Variants in STX4 observed in about 807,000 individuals in gnomAD.
STX4 encodes the protein syntaxin-4.
Under a neutral mutation model 41.8 loss-of-function variants are expected in STX4, and 24 were observed. The ratio of observed to expected loss-of-function variants is 0.57; its 90% CI spans 0.42 to 0.81. STX4 has a LOEUF of 0.81. Ranked by LOEUF, STX4 falls within the 30% of genes least tolerant of loss-of-function variation. STX4 has a pLI of 0.00. For synonymous variants in STX4, 158 were observed against 156.4 expected (o/e 1.01, Z -0.08); for missense variants, 316 against 389.9 (o/e 0.81, Z 1.60).
Position 31,034,239 on chromosome 16 carries a change from G to A in STX4, c.146G>A (p.Arg49Gln). 2 of 1,614,130 alleles carry A rather than the reference G, an allele frequency of 1.2e-6. No homozygotes were observed. The highest frequency in any genetic ancestry group is 1.7e-6 in the Non-Finnish European group (2 of 1,180,014). The change falls in exon 3 of 11, where the codon CGG becomes CAG. Residue 49 changes from arginine to glutamine, a missense_variant. Arg to Gln is a conservative substitution (Grantham distance 43). Coordinates refer to ENST00000313843, the MANE Select transcript of STX4 (RefSeq NM_004604.5). ...CACCCTCCCCAGGTCCGGACAATTCGGCAGACTATTGTCAAACTGGGGAAT... is the reference window on the plus strand; with the variant it reads ...CACCCTCCCCAGGTCCGGACAATTCAGCAGACTATTGTCAAACTGGGGAAT... ...EEFFHKVRTI[R>Q]QTIVKLGNKV...
intron 5 of STX4, among the ~76,000 whole-genome samples, chr16:31,037,065 T>TCC (rs2056805800): frequency 2.4e-5 from 1 of 42,242 alleles, no homozygotes; most frequent in African/African-American, 6.2e-5. Context: ...CCCCCCCCCC[T>TCC]TTTTTTTTTT....
Position 31,039,742 on chromosome 16 carries a change from T to C in STX4, c.833T>C (p.Ile278Thr). The change falls in exon 10 of 11, where the codon ATC becomes ACC. Residue 278 changes from isoleucine (I) to threonine (T), a missense_variant. Coordinates refer to ENST00000313843, the MANE Select transcript of STX4 (RefSeq NM_004604.5). This position sits in a 1 kb window ranked among gnomAD's most constrained non-coding sequence, Gnocchi z 4.1. ...KARKKKVLIAICVSITVVLLA... is the reference protein window; with the variant it reads ...KARKKKVLIATCVSITVVLLA... ...CCACAGAAGAAAGTCTTGATTGCCATCTGTGTGTCCATCACCGTCGTCCTC... is the reference window on the plus strand; with the variant it reads ...CCACAGAAGAAAGTCTTGATTGCCACCTGTGTGTCCATCACCGTCGTCCTC... 2 of 1,614,212 alleles carry C rather than the reference T, an allele frequency of 1.2e-6. No homozygotes were observed. The highest frequency in any genetic ancestry group is 1.7e-6 in the Non-Finnish European group (2 of 1,180,040).
intron 5 of STX4, among the ~76,000 whole-genome samples, chr16:31,037,090 G>A (rs1465327144): frequency 6.9e-6 from 1 of 145,756 alleles, no homozygotes; most frequent in Admixed American, 7.1e-5. Flanking sequence ...TTGAGACAGG[G>A]TCTCACTCTG....
intron 7 of STX4, 83 bp from the exon 8 acceptor site, chr16:31,038,427 G>A: frequency 6.4e-7 from 1 of 1,574,778 alleles, no homozygotes; most frequent in South Asian, 1.1e-5. Flanking sequence ...CCAGGCTGAG[G>A]GCTCCCCAGA....
intron 5 of STX4, among the ~76,000 whole-genome samples, chr16:31,036,628 G>GGCTGGTCTCAAACTCC (rs2056801067): frequency 6.6e-6 from 1 of 152,052 alleles, no homozygotes; most frequent in Non-Finnish European, 1.5e-5. Flanking sequence ...TAATAAATAA[G>GGCTGGTCTCAAACTCC]TGAATTATTT....
chr16:31,034,390 C>T, intron 3 of STX4, 65 bp downstream of exon 3: 4 of 1,609,066 alleles, frequency 2.5e-6, no homozygotes, highest in South Asian at 1.1e-5. Flanking sequence ...TGTAGTTCCA[C>T]GCAGGTGGTG....
chr16:31,035,114 G>C (rs1347378679), intron 5 of STX4, 74 bp downstream of exon 5: 5 of 1,273,922 alleles, frequency 3.9e-6, no homozygotes, highest in Admixed American at 4.2e-5. Flanking sequence ...GGTGTATGAA[G>C]GAAGGGCCTG....
chr16:31,034,596 T>G, intron 4 of STX4, 60 bp downstream of exon 4: 2 of 1,477,132 alleles, frequency 1.4e-6, no homozygotes, highest in South Asian at 1.4e-5. Context: ...TGTTGGTATA[T>G]CTGGGGAGTG....
rs778576478 is a variant in STX4, at chr16:31,039,511, C to T, written c.703-30C>T. 6.2e-7 allele frequency: 1 copy of T among 1,605,578 alleles called. No homozygotes were observed. Among genetic ancestry groups the T allele is most frequent in the East Asian group, 2.2e-5 (1 of 44,684 alleles). On this transcript the variant is annotated intron_variant, in intron 8 of 10. Transcript: ENST00000313843. This position sits in a 1 kb window ranked among gnomAD's most constrained non-coding sequence, Gnocchi z 4.1. ...GGTGGGGTGGGCAAAGGCATCCTTA[C>T]CTCCCTGAACCACCCCATCCTCTGA...
In STX4 at chr16:31,039,799, G is replaced by C. The variant is rs1412304008; in HGVS notation, c.890G>C (p.Gly297Ala). The C allele has an allele frequency of 6.2e-7, 1 of 1,614,218 alleles. No individual in the cohort carries two copies. Among genetic ancestry groups the C allele is most frequent in the Non-Finnish European group, 8.5e-7 (1 of 1,180,038 alleles). Residue 297 changes from glycine to alanine, a missense_variant, in exon 10 of 11, where the codon GGA becomes GCA. Transcript: ENST00000313843. The surrounding 1 kb of genome is among the most constrained non-coding windows in gnomAD (Gnocchi z 4.1). ...LAVIIGVTVVG is the reference protein window; with the variant it reads ...LAVIIGVTVVA Reference sequence around the variant, plus strand: ...GTCATCATTGGCGTCACAGTGGTTGGATAATGTCGCACATTGTTGGTGAGA... The same window carrying C: ...GTCATCATTGGCGTCACAGTGGTTGCATAATGTCGCACATTGTTGGTGAGA...
chr16:31,038,368 G>T, intron 7 of STX4, 142 bp from the exon 8 acceptor site: 2 of 1,341,380 alleles, frequency 1.5e-6, no homozygotes, highest in Non-Finnish European at 2.1e-6. Flanking sequence ...AGGGCACCCT[G>T]AGGCCTCTAA....
chr16:31,033,435 T>G, upstream of STX4: 1 of 1,518,350 alleles, frequency 6.6e-7, no homozygotes, highest in Non-Finnish European at 8.9e-7. This position sits in a 1 kb window ranked among gnomAD's most constrained non-coding sequence, Gnocchi z 5.5. Flanking sequence ...TAGCAAGTTC[T>G]CGCGTCCAGG....
At position 31,039,886 on chromosome 16, in the gene STX4, C is replaced by T. The variant is rs2143730364; in HGVS notation, c.*16-26C>T. On this transcript the variant is annotated intron_variant, in intron 10 of 10. Transcript: ENST00000313843. The surrounding 1 kb of genome is among the most constrained non-coding windows in gnomAD (Gnocchi z 4.1). Reference sequence around the variant, plus strand: ...CCCCAGCCCTCCCTCCTCCCTCAGACCCTGTTCTCCCTCCTTTCCTTACAG... The same window carrying T: ...CCCCAGCCCTCCCTCCTCCCTCAGATCCTGTTCTCCCTCCTTTCCTTACAG... 1 of 1,469,386 alleles carries T rather than the reference C, an allele frequency of 6.8e-7. No individual in the cohort carries two copies. The highest frequency in any genetic ancestry group is 1.2e-5 in the South Asian group (1 of 86,462). The allele number at this position is 1,469,386 out of a possible 1,614,324, so 91.0% of individuals were successfully genotyped here.
chr16:31,038,811 C>T (rs1251726305), intron 8 of STX4, among the ~76,000 whole-genome samples, 164 bp downstream of exon 8: 1 of 152,116 alleles, frequency 6.6e-6, no homozygotes, highest in African/African-American at 2.4e-5. Context: ...GAGAATGGCA[C>T]CTGCCTCTGC....
intron 7 of STX4, 144 bp from the exon 8 acceptor site, chr16:31,038,366 C>T (rs2056819096): frequency 1.5e-6 from 2 of 1,344,328 alleles, no homozygotes; most frequent in Non-Finnish European, 2.1e-6. Context: ...TAAGGGCACC[C>T]TGAGGCCTCT....
At chr16:31,037,528 C>T (rs1018299944) in intron 5 of STX4, among the ~76,000 whole-genome samples, 13 of 150,748 alleles carry the variant, frequency 8.6e-5, no homozygotes, top group Non-Finnish European at 3.0e-5. Flanking sequence ...TGCGTGGTGG[C>T]GCGTGCCTGT....
At chr16:31,037,604 G>A (rs937126603) in intron 5 of STX4, among the ~76,000 whole-genome samples, 4 of 151,408 alleles carry the variant, frequency 2.6e-5, no homozygotes, top group Non-Finnish European at 5.9e-5. Context: ...AGGTTGCAGT[G>A]AGCCGAGATT....
At chr16:31,037,853 C>T (rs1335832497) in intron 5 of STX4, 73 bp from the exon 6 acceptor site, 65 of 1,489,502 alleles carry the variant, frequency 4.4e-5, no homozygotes, top group Non-Finnish European at 6.0e-5. Flanking sequence ...GCTCACTGTA[C>T]TATGGGGTTG....
At chr16:31,034,700 A>G in intron 4 of STX4, 164 bp downstream of exon 4, 1 of 801,042 alleles carries the variant, frequency 1.2e-6, no homozygotes, top group Non-Finnish European at 1.9e-6. Flanking sequence ...TACTCTCCAC[A>G]GCACAAGTCC....
Sources: gnomAD v4.1 joint callset for allele counts (sites outside exome capture counted in the v4.1 genomes callset) on GRCh38, gnomAD v4.1.1 for gene constraint, Gnocchi (gnomAD v3.1) non-coding constraint, MANE v1.5 for transcripts, NCBI Gene and HGNC (gene_info 2026-07-23, HGNC 2026-07-21) for gene names.